Variants in THSD4 observed in about 807,000 individuals in gnomAD.
THSD4 encodes the protein thrombospondin type 1 domain containing 4, also known as thrombospondin type-1 domain-containing protein 4.
A neutral mutation model predicts 119.0 loss-of-function variants in THSD4; 69 were observed. The observed-to-expected ratio is 0.58, with a 90% confidence interval of 0.48 to 0.71. The LOEUF (loss-of-function observed/expected upper bound fraction) is 0.71. THSD4 is among the 30% of genes least tolerant of loss of function. The probability of loss-of-function intolerance (pLI) is 0.00; values close to 1 mark genes in which losing one functional copy is unlikely to be tolerated. For missense variants in THSD4, 1,393 were observed against 1,391.1 expected (o/e 1.00, Z -0.02); for synonymous variants, 524 against 540.4 (o/e 0.97, Z 0.42).
rs534820378 is a variant in THSD4 at position 71,774,210 on chromosome 15, C to G, written c.2914+3002C>G. Among the ~76,000 whole-genome samples the G allele has an allele frequency of 3.3e-5, 5 of 150,968 alleles. No homozygotes were observed. In the South Asian group the frequency reaches 1.0e-3, roughly 32 times the overall value. ...CCTATAGTCCCAGCTACTTGGAAGG[C>G]TGAGGTGGGAGAATCACCTGAGCCC... On this transcript the variant is annotated intron_variant, in intron 17 of 17. Coordinates refer to ENST00000261862, the MANE Select transcript of THSD4 (RefSeq NM_024817.3).
At chr15:71,116,179 G>A (rs181786710) in intron 1 of THSD4, among the ~76,000 whole-genome samples, 1 of 152,172 alleles carries the variant, frequency 6.6e-6, no homozygotes, top group South Asian at 2.1e-4. Context: ...TCCTGGCCTG[G>A]GGCCTCGGAT....
intron 7 of THSD4, among the ~76,000 whole-genome samples, chr15:71,545,377 T>C (rs940464994): frequency 1.1e-4 from 16 of 152,198 alleles, no homozygotes; most frequent in African/African-American, 3.9e-4. Flanking sequence ...TACTGTCAAA[T>C]CTGGCCGCCT....
intron 7 of THSD4, among the ~76,000 whole-genome samples, chr15:71,586,095 A>C (rs1595905863): frequency 6.6e-6 from 1 of 152,004 alleles, no homozygotes. Flanking sequence ...TTGGTTACTG[A>C]TGTTCTATTA....
At chr15:71,638,266 A>G (rs74872794) in intron 7 of THSD4, among the ~76,000 whole-genome samples, 2,580 of 152,272 alleles carry the variant, frequency 0.017, 76 homozygotes, top group African/African-American at 0.059. Context: ...AAGTGAATAC[A>G]GGATTCTCTG....
chr15:71,113,078 A>G (rs1267427864), upstream of THSD4, among the ~76,000 whole-genome samples: 1 of 152,208 alleles, frequency 6.6e-6, no homozygotes, highest in Non-Finnish European at 1.5e-5. Flanking sequence ...AGTCTCAGCT[A>G]CCTGGGAGGC....
intron 14 of THSD4, among the ~76,000 whole-genome samples, chr15:71,753,677 G>T (rs1369853848): frequency 6.6e-6 from 1 of 152,244 alleles, no homozygotes; most frequent in African/African-American, 2.4e-5. Context: ...CAGTGGGTGG[G>T]TGTGGTTTGG....
chr15:71,768,220 G>C (rs2053747653), intron 16 of THSD4, among the ~76,000 whole-genome samples: 1 of 151,124 alleles, frequency 6.6e-6, no homozygotes, highest in African/African-American at 2.4e-5. Context: ...CACATCAGTG[G>C]CCACTAACAT....
intron 6 of THSD4, among the ~76,000 whole-genome samples, chr15:71,298,802 G>A (rs1032535127): frequency 5.3e-5 from 8 of 152,126 alleles, no homozygotes; most frequent in Non-Finnish European, 1.2e-4. Context: ...TAGTAGAGAC[G>A]GGGTTTTACT....
At chr15:71,716,394 G>C (rs953858832) in intron 8 of THSD4, among the ~76,000 whole-genome samples, 1 of 152,156 alleles carries the variant, frequency 6.6e-6, no homozygotes, top group African/African-American at 2.4e-5. Flanking sequence ...CCCAGTATAG[G>C]ATATGTTTGG....
chr15:71,369,305 C>A (rs2046010741), intron 6 of THSD4, among the ~76,000 whole-genome samples: 1 of 152,188 alleles, frequency 6.6e-6, no homozygotes, highest in Non-Finnish European at 1.5e-5. Context: ...CTGGCCAGAA[C>A]TTCCAACACT....
At chr15:71,623,357 G>A (rs974685538) in intron 7 of THSD4, among the ~76,000 whole-genome samples, 2 of 152,146 alleles carry the variant, frequency 1.3e-5, no homozygotes, top group Non-Finnish European at 2.9e-5. Context: ...CATCACAATA[G>A]CCTTATGAAA....
chr15:71,747,588 C>T (rs1370926531), intron 13 of THSD4, among the ~76,000 whole-genome samples: 1 of 152,156 alleles, frequency 6.6e-6, no homozygotes, highest in Non-Finnish European at 1.5e-5. Context: ...CCCCTTGAAT[C>T]GGAGTTGTCT....
At chr15:71,447,369 TG>T (rs2047200014) in intron 7 of THSD4, among the ~76,000 whole-genome samples, 1 of 150,420 alleles carries the variant, frequency 6.6e-6, no homozygotes, top group South Asian at 2.1e-4. Flanking sequence ...TCCGCCACCT[TG>T]GCTTCCCACC....
chr15:71,458,365 TTATTA>T (rs1475938059), intron 7 of THSD4, among the ~76,000 whole-genome samples: 1 of 152,226 alleles, frequency 6.6e-6, no homozygotes, highest in East Asian at 1.9e-4. Context: ...AGTTTGTATT[TTATTA>T]TATTTATAAC....
Position 71,694,345 on chromosome 15 carries a change from G to A in THSD4, c.1357+33611G>A, listed in dbSNP as rs971109096. Among the ~76,000 whole-genome samples the A allele has an allele frequency of 1.1e-4, 16 of 152,178 alleles. No individual in the cohort carries two copies. The South Asian group carries it at 1.9e-3, about 18-fold the overall frequency. On this transcript the variant is annotated intron_variant, in intron 8 of 17. Coordinates refer to ENST00000261862, the MANE Select transcript of THSD4 (RefSeq NM_024817.3). Reference sequence around the variant, plus strand: ...TGGACCTGGTTAGCATTTTTCACTTGCCTCTAAGATCTGCTGTCTCTGATG... The same window carrying A: ...TGGACCTGGTTAGCATTTTTCACTTACCTCTAAGATCTGCTGTCTCTGATG...
chr15:71,131,502 G>A (rs896185825), intron 1 of THSD4, among the ~76,000 whole-genome samples: 3 of 150,692 alleles, frequency 2.0e-5, no homozygotes, highest in African/African-American at 7.3e-5. Context: ...AAAACATTAT[G>A]AGCCCTATAG....
At chr15:71,577,477 G>C (rs1351926175) in intron 7 of THSD4, among the ~76,000 whole-genome samples, 1 of 152,126 alleles carries the variant, frequency 6.6e-6, no homozygotes, top group Non-Finnish European at 1.5e-5. Flanking sequence ...ACTGTGAGGG[G>C]GTGAAAGCCA....
intron 7 of THSD4, among the ~76,000 whole-genome samples, chr15:71,550,062 C>G (rs534198557): frequency 1.3e-5 from 2 of 152,318 alleles, no homozygotes; most frequent in African/African-American, 4.8e-5. Context: ...AAACTCAGAA[C>G]AGTGAGATCA....
At chr15:71,646,149 C>G (rs995193830) in intron 7 of THSD4, among the ~76,000 whole-genome samples, 1 of 152,238 alleles carries the variant, frequency 6.6e-6, no homozygotes, top group African/African-American at 2.4e-5. Flanking sequence ...CTTAATCTCC[C>G]TCTTTCCTCC....
Sources: gnomAD v4.1 joint callset for allele counts (sites outside exome capture counted in the v4.1 genomes callset) on GRCh38, gnomAD v4.1.1 for gene constraint, MANE v1.5 for transcripts, NCBI Gene and HGNC (gene_info 2026-07-23, HGNC 2026-07-21) for gene names.